The following KIF13A variants were observed in gnomAD, a reference collection of about 807,000 sequenced individuals.
KIF13A encodes kinesin-like protein KIF13A.
In KIF13A, 79 loss-of-function variants were observed where a neutral mutation model predicts 212.2. The ratio of observed to expected loss-of-function variants is 0.37; its 90% confidence interval spans 0.31 to 0.45. The LOEUF (loss-of-function observed/expected upper bound fraction) is 0.45, where lower values mean the gene tolerates loss of function less well. KIF13A is among the 20% of genes least tolerant of loss of function. KIF13A has a pLI of 1.00. For missense variants in KIF13A, 1,901 were observed against 2,209.0 expected (o/e 0.86, Z 2.79); for synonymous variants, 789 against 808.6 (o/e 0.98, Z 0.41).
At chr6:17,939,133 T>C (rs758930151) in intron 2 of KIF13A, among the ~76,000 whole-genome samples, 1 of 152,214 alleles carries the variant, frequency 6.6e-6, no homozygotes. Context: ...TTTAGGGCGC[T>C]TTCCGCCCTT....
rs931020660 is a variant in KIF13A, at chr6:17,914,474, T to G, written c.147-16294A>C. Among the ~76,000 whole-genome samples the G allele has an allele frequency of 6.6e-6, 1 of 152,182 alleles. No individual in the cohort carries two copies. Among genetic ancestry groups the G allele is most frequent in the East Asian group, 1.9e-4 (1 of 5,200 alleles). ...ATTTAACACAATAATGTTTACATGG[T>G]CTATATGGGCATTTGCAAAATTAAA... On this transcript the variant is annotated intron_variant, in intron 2 of 38. Transcript: ENST00000259711. The surrounding 1 kb of genome is among the most constrained non-coding windows in gnomAD (Gnocchi z 5.9).
rs1458116552 is a variant in KIF13A at position 17,794,188 on chromosome 6, C to T, written c.3222+61G>A. 7 of 1,325,740 alleles carry T rather than the reference C, an allele frequency of 5.3e-6. No individual in the cohort carries two copies. The East Asian group carries it at 9.4e-5, about 18-fold the overall frequency. The allele number at this position is 1,325,740 out of a possible 1,614,324, so 82.1% of individuals were successfully genotyped here. A position where few individuals can be genotyped will look rare whatever the true frequency, so the allele number is the denominator to read the frequency against. On this transcript the variant is annotated intron_variant, in intron 25 of 38. Transcript: ENST00000259711. This position sits in a 1 kb window ranked among gnomAD's most constrained non-coding sequence, Gnocchi z 4.1. ...AGTTCTGTTATATTGGCAAAGAGGT[C>T]CCCCTGGGACCTGCATTAACCAAGC...
chr6:17,813,733 G>T (rs1056155013), intron 17 of KIF13A, among the ~76,000 whole-genome samples: 1 of 152,074 alleles, frequency 6.6e-6, no homozygotes, highest in Non-Finnish European at 1.5e-5. Flanking sequence ...CAGTGTGTGT[G>T]TGAGTTACAG....
Position 17,826,767 on chromosome 6 carries a change from T to C in KIF13A, c.1533-643A>G, listed in dbSNP as rs1283522708. The stretch of plus-strand genomic sequence containing the variant: ...GAAATCTGAACACTGACTGGCTATA[T>C]GAAGATTAGTAACGAATTATTATTA... On this transcript the variant is annotated intron_variant, in intron 14 of 38. Coordinates refer to ENST00000259711, the MANE Select transcript of KIF13A (RefSeq NM_022113.6). This position sits in a 1 kb window ranked among gnomAD's most constrained non-coding sequence, Gnocchi z 4.7. 2.6e-5 allele frequency among the ~76,000 whole-genome samples: 4 copies of C among 152,314 alleles called. No individual in the cohort carries two copies. Among genetic ancestry groups the C allele is most frequent in the African/African-American group, 4.8e-5 (2 of 41,570 alleles).
chr6:17,985,031 T>C (rs1260666271), intron 2 of KIF13A, among the ~76,000 whole-genome samples: 1 of 152,196 alleles, frequency 6.6e-6, no homozygotes, highest in East Asian at 1.9e-4. Flanking sequence ...AAAAATGCAT[T>C]TGGTGTCTTC....
At chr6:17,870,320 G>A (rs563339740) in intron 4 of KIF13A, among the ~76,000 whole-genome samples, 23 of 152,258 alleles carry the variant, frequency 1.5e-4, no homozygotes, top group African/African-American at 5.5e-4. Flanking sequence ...CTAAATTTTA[G>A]GCTATCAGTA....
downstream of KIF13A, among the ~76,000 whole-genome samples, chr6:17,763,348 T>C (rs1444868069): frequency 3.3e-5 from 5 of 151,714 alleles, no homozygotes; most frequent in African/African-American, 1.2e-4. Flanking sequence ...CACGTGCCTG[T>C]AGTCCCAGCT....
chr6:17,922,121 A>G (rs964997742), intron 2 of KIF13A, among the ~76,000 whole-genome samples: 2 of 152,216 alleles, frequency 1.3e-5, no homozygotes, highest in African/African-American at 4.8e-5. Flanking sequence ...GGGAGGGCTC[A>G]TCGACAAGAT....
chr6:17,834,405 C>G lies in KIF13A; in HGVS notation c.1156-334G>C, dbSNP rs1234937450. 1.3e-5 allele frequency among the ~76,000 whole-genome samples: 2 copies of G among 152,318 alleles called. No individual in the cohort carries two copies. The highest frequency in any genetic ancestry group is 4.1e-4 in the South Asian group (2 of 4,826). On this transcript the variant is annotated intron_variant, in intron 11 of 38. Transcript: ENST00000259711. This position sits in a 1 kb window ranked among gnomAD's most constrained non-coding sequence, Gnocchi z 4.0. Reference sequence around the variant, plus strand: ...CAGGACAAAAGGTTACTTAAGCAGACTTCTTTTTCAATAAGACGGAGGTTA... The same window carrying G: ...CAGGACAAAAGGTTACTTAAGCAGAGTTCTTTTTCAATAAGACGGAGGTTA...
chr6:17,926,935 C>T lies in KIF13A; in HGVS notation c.147-28755G>A, dbSNP rs1015701344. 8.5e-5 allele frequency among the ~76,000 whole-genome samples: 13 copies of T among 152,114 alleles called. No homozygotes were observed. Among genetic ancestry groups the T allele is most frequent in the East Asian group, 7.7e-4 (4 of 5,164 alleles). ...GGCAGATCACTTCAGATCAGGAGTT[C>T]GAGACCAGCTGCGCCAACATGGTGA... is the stretch of plus-strand genomic sequence containing the variant. On this transcript the variant is annotated intron_variant, in intron 2 of 38. Coordinates refer to ENST00000259711, the MANE Select transcript of KIF13A (RefSeq NM_022113.6). This position sits in a 1 kb window ranked among gnomAD's most constrained non-coding sequence, Gnocchi z 4.3.
chr6:17,811,584 A>C lies in KIF13A; in HGVS notation c.2001-2654T>G, dbSNP rs1581382361. On this transcript the variant is annotated intron_variant, in intron 17 of 38. Coordinates refer to ENST00000259711, the MANE Select transcript of KIF13A (RefSeq NM_022113.6). The surrounding 1 kb of genome is among the most constrained non-coding windows in gnomAD (Gnocchi z 6.0). ...TCTTTGTAATTCTCACCAGCGTTTAAATTTACTTGATTCTCAACCCATCAA... is the reference window on the plus strand; with the variant it reads ...TCTTTGTAATTCTCACCAGCGTTTACATTTACTTGATTCTCAACCCATCAA... 6.6e-6 allele frequency among the ~76,000 whole-genome samples: 1 copy of C among 152,208 alleles called. No individual in the cohort carries two copies. The highest frequency in any genetic ancestry group is 2.4e-5 in the African/African-American group (1 of 41,466).
At chr6:17,824,618 A>G (rs552278167) in intron 16 of KIF13A, among the ~76,000 whole-genome samples, 2 of 152,054 alleles carry the variant, frequency 1.3e-5, no homozygotes, top group East Asian at 3.9e-4. Context: ...AAAATTAGCC[A>G]GGTGTGGTCA....
intron 3 of KIF13A, among the ~76,000 whole-genome samples, chr6:17,896,346 T>C (rs1309091864): frequency 6.6e-6 from 1 of 151,086 alleles, no homozygotes; most frequent in Non-Finnish European, 1.5e-5. Flanking sequence ...CAGGCTTCTC[T>C]GATGCTTTTG....
chr6:17,857,932 A>G (rs1255351927), intron 4 of KIF13A, among the ~76,000 whole-genome samples: 1 of 151,984 alleles, frequency 6.6e-6, no homozygotes, highest in Non-Finnish European at 1.5e-5. Context: ...GTTTTATATG[A>G]TGGAATATAC....
At chr6:17,788,382 C>T (rs757207326) in intron 26 of KIF13A, among the ~76,000 whole-genome samples, 3 of 152,194 alleles carry the variant, frequency 2.0e-5, no homozygotes, top group Non-Finnish European at 4.4e-5. Flanking sequence ...AAACATTTTA[C>T]TTCCAACCAC....
chr6:17,761,008 GT>G, downstream of KIF13A: 1 of 820,812 alleles, frequency 1.2e-6, no homozygotes, highest in Non-Finnish European at 2.0e-6. Context: ...CACAGGATTG[GT>G]TTTATTATGG....
chr6:17,953,160 G>A (rs1009802882), intron 2 of KIF13A, among the ~76,000 whole-genome samples: 3 of 152,016 alleles, frequency 2.0e-5, no homozygotes, highest in African/African-American at 2.4e-5. Flanking sequence ...TAAAAAGAAC[G>A]AGGTAGACAC....
intron 18 of KIF13A, 114 bp from the exon 19 acceptor site, chr6:17,805,729 AAAG>A: frequency 1.1e-6 from 1 of 899,230 alleles, no homozygotes; most frequent in East Asian, 2.7e-5. Flanking sequence ...AATGCATACA[AAAG>A]AAGATAAAAT....
intron 19 of KIF13A, among the ~76,000 whole-genome samples, chr6:17,805,222 A>C (rs1194685339): frequency 6.6e-6 from 1 of 152,200 alleles, no homozygotes; most frequent in East Asian, 1.9e-4. Flanking sequence ...CATGAAGCCA[A>C]ATAAGAATCT....
Sources: gnomAD v4.1 joint callset for allele counts (sites outside exome capture counted in the v4.1 genomes callset) on GRCh38, gnomAD v4.1.1 for gene constraint, Gnocchi (gnomAD v3.1) non-coding constraint, MANE v1.5 for transcripts, NCBI Gene and HGNC (gene_info 2026-07-23, HGNC 2026-07-21) for gene names.